The following SEPTIN11 variants were observed in gnomAD, a reference collection of about 807,000 sequenced individuals.
SEPTIN11 encodes septin-11.
SEPTIN11 carries 25 observed loss-of-function variants against 51.4 expected under a neutral mutation model. The ratio of observed to expected loss-of-function variants is 0.49; its 90% CI spans 0.35 to 0.68. SEPTIN11 has a LOEUF of 0.68. Ranked by LOEUF, SEPTIN11 falls within the 30% of genes least tolerant of loss-of-function variation. SEPTIN11 has a pLI of 0.00. For missense variants in SEPTIN11, 381 were observed against 520.8 expected (o/e 0.73, Z 2.61); for synonymous variants, 174 against 184.1 (o/e 0.95, Z 0.44).
chr4:76,984,592 A>C lies in SEPTIN11; in HGVS notation c.28-11833A>C, dbSNP rs1722927828. Among the ~76,000 whole-genome samples, 1 of 152,236 alleles carries C rather than the reference A, an allele frequency of 6.6e-6. No homozygotes were observed. Among genetic ancestry groups the C allele is most frequent in the Non-Finnish European group, 1.5e-5 (1 of 68,034 alleles). On this transcript the variant is annotated intron_variant, in intron 1 of 9. Coordinates refer to ENST00000264893, the MANE Select transcript of SEPTIN11 (RefSeq NM_018243.4). The surrounding 1 kb of genome is among the most constrained non-coding windows in gnomAD (Gnocchi z 4.1). ...GAAATACTGAGGAATAGATGTGTGA[A>C]TATGAGTAGCACAGGACATAAAAAG...
chr4:76,957,586 T>C (rs1032514281), intron 1 of SEPTIN11, among the ~76,000 whole-genome samples: 13 of 152,190 alleles, frequency 8.5e-5, no homozygotes, highest in African/African-American at 3.1e-4. Context: ...GTTGGTTATC[T>C]GAGGAAAATG....
chr4:77,019,133 A>G, intron 5 of SEPTIN11, 32 bp from the exon 6 acceptor site: 1 of 1,590,414 alleles, frequency 6.3e-7, no homozygotes, highest in Non-Finnish European at 8.6e-7. Flanking sequence ...GAGCAGGGGA[A>G]AGTAACTATT....
chr4:76,962,015 T>C (rs900198274), intron 1 of SEPTIN11, among the ~76,000 whole-genome samples: 1 of 152,220 alleles, frequency 6.6e-6, no homozygotes, highest in Admixed American at 6.5e-5. Context: ...TTGGAAAGTT[T>C]TAGTAAAGGT....
downstream of SEPTIN11, chr4:77,038,945 G>A (rs1727218356): frequency 8.6e-6 from 5 of 583,816 alleles, no homozygotes; most frequent in Admixed American, 5.2e-5. Context: ...CGTCGAGCTC[G>A]AGGAAGTCAC....
Position 77,037,010 on chromosome 4 carries a change from T to G in SEPTIN11, c.*2498T>G. 24 of 1,251,304 alleles carry G rather than the reference T, an allele frequency of 1.9e-5. No homozygotes were observed. The highest frequency in any genetic ancestry group is 2.4e-5 in the Non-Finnish European group (24 of 1,000,934). 77.5% of individuals were successfully genotyped at this position (1,251,304 alleles called of 1,614,324 possible). A position where few individuals can be genotyped will look rare whatever the true frequency, so the allele number is the denominator to read the frequency against. On this transcript the variant is annotated 3_prime_UTR_variant, in exon 10 of 10. Coordinates refer to ENST00000264893, the MANE Select transcript of SEPTIN11 (RefSeq NM_018243.4). ...ATATTTAAAAGGCCACATTTATATT[T>G]TTTTCACAAGAACCACATAATAAAT...
At chr4:76,960,051 A>G (rs937009032) in intron 1 of SEPTIN11, among the ~76,000 whole-genome samples, 1 of 152,138 alleles carries the variant, frequency 6.6e-6, no homozygotes, top group Non-Finnish European at 1.5e-5. Flanking sequence ...TTTTAAGAGA[A>G]TTGTTCAAAT....
chr4:76,969,038 A>G (rs1033034755), intron 1 of SEPTIN11, among the ~76,000 whole-genome samples: 2 of 152,180 alleles, frequency 1.3e-5, no homozygotes, highest in African/African-American at 4.8e-5. Context: ...TCTTCTTCCC[A>G]CATGTTATGT....
intron 7 of SEPTIN11, among the ~76,000 whole-genome samples, chr4:77,023,364 TATA>T (rs1188958163): frequency 3.4e-5 from 5 of 147,568 alleles, no homozygotes; most frequent in African/African-American, 7.4e-5. Context: ...GATATAATTA[TATA>T]ATAATATATA....
intron 2 of SEPTIN11, among the ~76,000 whole-genome samples, chr4:76,997,479 T>A (rs1465496029): frequency 6.6e-6 from 1 of 152,196 alleles, no homozygotes; most frequent in African/African-American, 2.4e-5. Context: ...TTTTCTTTTT[T>A]AAAAACTTCT....
intron 2 of SEPTIN11, among the ~76,000 whole-genome samples, chr4:77,000,727 G>C (rs1159680920): frequency 6.6e-6 from 1 of 152,186 alleles, no homozygotes; most frequent in Non-Finnish European, 1.5e-5. Context: ...GTATGTAGTG[G>C]TCTGGGTTCC....
Position 76,982,179 on chromosome 4 carries a change from C to T in SEPTIN11, c.28-14246C>T, listed in dbSNP as rs192560460. Reference sequence around the variant, plus strand: ...ATAGATTCTACCTCTTTCTTTCCATCCATCTCCATTCCCTTTCTGCAACTA... The same window carrying T: ...ATAGATTCTACCTCTTTCTTTCCATTCATCTCCATTCCCTTTCTGCAACTA... On this transcript the variant is annotated intron_variant, in intron 1 of 9. Coordinates refer to ENST00000264893, the MANE Select transcript of SEPTIN11 (RefSeq NM_018243.4). Among the ~76,000 whole-genome samples, 324 of 152,178 alleles carry T rather than the reference C, an allele frequency of 2.1e-3. 4 individuals carry two copies. Among genetic ancestry groups the T allele is most frequent in the Admixed American group, 0.017 (259 of 15,274 alleles).
chr4:76,954,821 C>G (rs151067280), intron 1 of SEPTIN11, among the ~76,000 whole-genome samples: 1 of 152,256 alleles, frequency 6.6e-6, no homozygotes, highest in East Asian at 1.9e-4. Flanking sequence ...TGCCCACCTG[C>G]TGAACTGTGA....
At chr4:76,993,954 G>A (rs939014370) in intron 1 of SEPTIN11, among the ~76,000 whole-genome samples, 8 of 152,142 alleles carry the variant, frequency 5.3e-5, no homozygotes, top group Non-Finnish European at 8.8e-5. Flanking sequence ...GTTCTGGGAT[G>A]AGAGCTATAA....
Position 77,015,012 on chromosome 4 carries a change from A to G in SEPTIN11, c.682A>G (p.Met228Val), listed in dbSNP as rs1294195244. The G allele has an allele frequency of 1.2e-6, 2 of 1,613,506 alleles. No homozygotes were observed. The highest frequency in any genetic ancestry group is 1.7e-6 in the Non-Finnish European group (2 of 1,179,866). Residue 228 changes from methionine (M) to valine (V), a missense_variant, in exon 5 of 10, where the codon ATG (methionine) becomes GTG (valine). By Grantham distance (21) the Met-to-Val change is conservative (BLOSUM62 1). This residue lies in a region of SEPTIN11 where 197 missense variants were observed against 313.1 expected (regional missense o/e 0.63). Coordinates refer to ENST00000264893, the MANE Select transcript of SEPTIN11 (RefSeq NM_018243.4). ...AACGGTGGCAGAGATTAACGCAACA[A>G]TGAGTGTAAGTCCTCAAGTCAAATG... ...EETVAEINAT[M>V]SVHLPFAVVG...
chr4:76,968,991 T>C (rs1299878255), intron 1 of SEPTIN11, among the ~76,000 whole-genome samples: 2 of 152,138 alleles, frequency 1.3e-5, no homozygotes, highest in African/African-American at 4.8e-5. Flanking sequence ...AAATATGGAG[T>C]TGGAAGTTAA....
At chr4:76,999,119 C>T (rs780947401) in intron 2 of SEPTIN11, among the ~76,000 whole-genome samples, 9 of 152,182 alleles carry the variant, frequency 5.9e-5, no homozygotes, top group Non-Finnish European at 7.3e-5. Context: ...GGATATCCTT[C>T]GTTGTCAGCA....
chr4:76,955,960 A>T (rs1353055893), intron 1 of SEPTIN11, among the ~76,000 whole-genome samples: 1 of 152,174 alleles, frequency 6.6e-6, no homozygotes, highest in African/African-American at 2.4e-5. Flanking sequence ...TCCACCTTGG[A>T]CTTCAAGTGG....
intron 8 of SEPTIN11, among the ~76,000 whole-genome samples, chr4:77,029,955 T>C (rs992214583): frequency 6.6e-6 from 1 of 152,146 alleles, no homozygotes; most frequent in Non-Finnish European, 1.5e-5. Flanking sequence ...GTGAGTTTTT[T>C]GTTGGGATCA....
At chr4:76,959,940 A>G (rs1721757043) in intron 1 of SEPTIN11, among the ~76,000 whole-genome samples, 1 of 152,196 alleles carries the variant, frequency 6.6e-6, no homozygotes, top group South Asian at 2.1e-4. Context: ...TAATAATCAC[A>G]TCAGGGTAAA....
Sources: gnomAD v4.1 joint callset for allele counts (sites outside exome capture counted in the v4.1 genomes callset) on GRCh38, gnomAD v4.1.1 for gene constraint, gnomAD v4.1.1 regional missense constraint, Gnocchi (gnomAD v3.1) non-coding constraint, MANE v1.5 for transcripts, NCBI Gene and HGNC (gene_info 2026-07-23, HGNC 2026-07-21) for gene names.